SLC17A8: variants seen among roughly 807,000 people sequenced by gnomAD.
The protein encoded by SLC17A8 is solute carrier family 17 member 8.
Under a neutral mutation model 58.0 loss-of-function variants are expected in SLC17A8, and 31 were observed. That is an observed-to-expected ratio of 0.53 (90% CI 0.40 to 0.72). The LOEUF is 0.72. Among genes scored for constraint, SLC17A8 ranks in the 30% least tolerant of loss-of-function variants. The pLI is 0.00. For synonymous variants in SLC17A8, 228 were observed against 249.0 expected (o/e 0.92, Z 0.79); for missense variants, 655 against 727.8 (o/e 0.90, Z 1.15).
chr12:100,357,357 G>T lies in SLC17A8; in HGVS notation c.-35G>T. On this transcript the variant is annotated 5_prime_UTR_variant, in exon 1 of 12. Transcript: ENST00000323346. ...AGGAAGGATGACAGTTTTTGAGACT[G>T]ACTGTTAACGGCTCAGAGGTGCCCC... is the stretch of plus-strand genomic sequence containing the variant. 2 of 1,173,574 alleles carry T rather than the reference G, an allele frequency of 1.7e-6. No individual in the cohort carries two copies. Among genetic ancestry groups the T allele is most frequent in the South Asian group, 2.4e-5 (2 of 82,086 alleles). The allele number at this position is 1,173,574 out of a possible 1,614,324, so 72.7% of individuals were successfully genotyped here. A position where few individuals can be genotyped will look rare whatever the true frequency, so the allele number is the denominator to read the frequency against.
chr12:100,361,533 C>A (rs1159245483), intron 1 of SLC17A8, among the ~76,000 whole-genome samples: 1 of 152,198 alleles, frequency 6.6e-6, no homozygotes, highest in Non-Finnish European at 1.5e-5. Context: ...CTTCTCTGTC[C>A]CTCTTTCCTG....
chr12:100,415,004 G>C (rs1276881629), intron 10 of SLC17A8, among the ~76,000 whole-genome samples: 2 of 152,196 alleles, frequency 1.3e-5, no homozygotes, highest in Non-Finnish European at 2.9e-5. Flanking sequence ...GCCTTCCCTT[G>C]ATAACTTTGT....
chr12:100,365,027 A>T (rs566734347), intron 1 of SLC17A8, among the ~76,000 whole-genome samples: 8 of 152,304 alleles, frequency 5.3e-5, no homozygotes, highest in Middle Eastern at 3.4e-3. Context: ...GCATTGGTAT[A>T]GTAGATATAG....
chr12:100,399,132 T>C (rs934808014), intron 5 of SLC17A8, among the ~76,000 whole-genome samples: 2 of 152,184 alleles, frequency 1.3e-5, no homozygotes, highest in African/African-American at 4.8e-5. Context: ...AAAAAAGATT[T>C]AAATTCTTAC....
intron 9 of SLC17A8, among the ~76,000 whole-genome samples, chr12:100,409,877 C>T (rs749850003): frequency 6.6e-6 from 1 of 152,026 alleles, no homozygotes; most frequent in Non-Finnish European, 1.5e-5. Flanking sequence ...GGGCAGTAAG[C>T]AAAGAGATGA....
intron 2 of SLC17A8, among the ~76,000 whole-genome samples, chr12:100,388,742 A>T (rs1225486489): frequency 6.6e-6 from 1 of 152,248 alleles, no homozygotes; most frequent in African/African-American, 2.4e-5. Context: ...TTTATAAAAC[A>T]TAGTATGTTG....
At chr12:100,392,116 T>G (rs1952720918) in intron 3 of SLC17A8, among the ~76,000 whole-genome samples, 1 of 152,130 alleles carries the variant, frequency 6.6e-6, no homozygotes, top group African/African-American at 2.4e-5. Flanking sequence ...GAACTAAATC[T>G]CTCCAGGTCG....
chr12:100,405,041 A>T (rs1952817506), intron 9 of SLC17A8, among the ~76,000 whole-genome samples: 1 of 152,248 alleles, frequency 6.6e-6, no homozygotes, highest in African/African-American at 2.4e-5. Context: ...ATGCTCTGAC[A>T]GATAGCTAGG....
intron 3 of SLC17A8, 101 bp from the exon 4 acceptor site, chr12:100,393,268 C>A: frequency 1.3e-6 from 1 of 797,844 alleles, no homozygotes; most frequent in Non-Finnish European, 2.2e-6. Flanking sequence ...GGGATTTCCA[C>A]AGGGATCTTT....
rs146680157 is a variant in SLC17A8, at chr12:100,375,134, C to T, written c.102-5567C>T. The stretch of plus-strand genomic sequence containing the variant: ...AAGCAGATACCAAGACAGGACTCGG[C>T]ACATACGAGATATGGTCTCGCTCTG... On this transcript the variant is annotated intron_variant, in intron 1 of 11. Coordinates refer to ENST00000323346, the MANE Select transcript of SLC17A8 (RefSeq NM_139319.3). 2.6e-3 allele frequency among the ~76,000 whole-genome samples: 390 copies of T among 148,160 alleles called. 1 individual carries two copies. The highest frequency in any genetic ancestry group is 9.1e-3 in the African/African-American group (366 of 40,016).
In SLC17A8 at chr12:100,365,122, C is replaced by T. The variant is rs796443987; in HGVS notation, c.101+7630C>T. Among the ~76,000 whole-genome samples, 6 of 152,134 alleles carry T rather than the reference C, an allele frequency of 3.9e-5. No individual in the cohort carries two copies. In the South Asian group the frequency reaches 6.2e-4, roughly 16 times the overall value. ...TGTTAGATTCCAGATGGACCACTTC[C>T]GTCTTATGATGGACAGTTGGACTTC... On this transcript the variant is annotated intron_variant, in intron 1 of 11. Coordinates refer to ENST00000323346, the MANE Select transcript of SLC17A8 (RefSeq NM_139319.3).
intron 2 of SLC17A8, among the ~76,000 whole-genome samples, chr12:100,387,767 C>G (rs543121389): frequency 6.6e-6 from 1 of 152,104 alleles, no homozygotes; most frequent in Admixed American, 6.5e-5. Flanking sequence ...TTTTGTGTCC[C>G]CTTTTCCTTG....
chr12:100,393,952 A>C (rs983547490), intron 4 of SLC17A8, among the ~76,000 whole-genome samples: 1 of 152,182 alleles, frequency 6.6e-6, no homozygotes, highest in Non-Finnish European at 1.5e-5. Flanking sequence ...TGTTGCATCT[A>C]CTCAACCCTG....
At chr12:100,405,633 T>A in intron 9 of SLC17A8, among the ~76,000 whole-genome samples, 1 of 152,172 alleles carries the variant, frequency 6.6e-6, no homozygotes, top group South Asian at 2.1e-4. Flanking sequence ...CTAGAAGGAA[T>A]GCAACTCTGT....
At chr12:100,374,323 C>T (rs138447061) in intron 1 of SLC17A8, among the ~76,000 whole-genome samples, 51 of 152,202 alleles carry the variant, frequency 3.4e-4, no homozygotes, top group Non-Finnish European at 6.5e-4. Context: ...TAAAACAAAT[C>T]AAATCTGGTC....
rs1197608648 is a variant in SLC17A8 at position 100,393,473 on chromosome 12, G to T, written c.578G>T (p.Gly193Val). 3.1e-6 allele frequency: 5 copies of T among 1,611,362 alleles called. No homozygotes were observed. The highest frequency in any genetic ancestry group is 4.2e-6 in the Non-Finnish European group (5 of 1,177,700). The stretch of plus-strand genomic sequence containing the variant: ...GTCATGTGTGTCAGAATTCTGCAAG[G>T]TTTAGTGGAGGTAGGAGATACTTTC... ...GCVMCVRILQ[G>V]LVEGVTYPAC... Residue 193 changes from glycine (G) to valine (V), a missense_variant, in exon 4 of 12, where the codon GGT becomes GTT. By Grantham distance (109) the Gly-to-Val change is moderately radical (BLOSUM62 -3). Coordinates refer to ENST00000323346, the MANE Select transcript of SLC17A8 (RefSeq NM_139319.3).
At position 100,412,885 on chromosome 12, in the gene SLC17A8, T is replaced by C. The variant is rs774546036; in HGVS notation, c.1297+5T>C. ...TTAGTGGCTTCGCTATTTCAGGTAA[T>C]GTGTCCTTTGGGTTTCCAGATCTTG... On this transcript the variant is annotated splice_donor_5th_base_variant and intron_variant, in intron 10 of 11. Coordinates refer to ENST00000323346, the MANE Select transcript of SLC17A8 (RefSeq NM_139319.3). 3 of 1,603,780 alleles carry C rather than the reference T, an allele frequency of 1.9e-6. No individual in the cohort carries two copies. The Admixed American group carries it at 5.0e-5, about 27-fold the overall frequency.
chr12:100,367,028 C>T (rs1414555962), intron 1 of SLC17A8, among the ~76,000 whole-genome samples: 1 of 152,120 alleles, frequency 6.6e-6, no homozygotes, highest in Non-Finnish European at 1.5e-5. Flanking sequence ...GCCTGTGGCC[C>T]CATCACCACT....
intron 5 of SLC17A8, among the ~76,000 whole-genome samples, chr12:100,399,177 C>G (rs374396323): frequency 1.3e-5 from 2 of 152,098 alleles, no homozygotes; most frequent in East Asian, 3.9e-4. Context: ...CTCTTTCTCA[C>G]CCCCAGTTCT....
Sources: gnomAD v4.1 joint callset for allele counts (sites outside exome capture counted in the v4.1 genomes callset) on GRCh38, gnomAD v4.1.1 for gene constraint, MANE v1.5 for transcripts, NCBI Gene and HGNC (gene_info 2026-07-23, HGNC 2026-07-21) for gene names.